ZNF346: variants seen among roughly 807,000 people sequenced by gnomAD.
ZNF346 encodes the protein zinc finger protein 346.
Under a neutral mutation model 33.7 loss-of-function variants are expected in ZNF346, and 23 were observed. The observed-to-expected ratio is 0.68, with a 90% CI of 0.49 to 0.97. The LOEUF (loss-of-function observed/expected upper bound fraction) is 0.97, where lower values mean the gene tolerates loss of function less well. Ranked by LOEUF, ZNF346 falls within the 50% of genes least tolerant of loss-of-function variation. ZNF346 has a pLI of 0.00. For missense variants in ZNF346, 340 were observed against 371.1 expected, an observed-to-expected ratio of 0.92 and a Z score of 0.69; for synonymous variants, 134 against 142.4, an observed-to-expected ratio of 0.94 and a Z score of 0.42.
chr5:177,056,468 A>G (rs990711907), intron 5 of ZNF346, among the ~76,000 whole-genome samples: 1 of 152,208 alleles, frequency 6.6e-6, no homozygotes, highest in Non-Finnish European at 1.5e-5. Context: ...AGACACATGT[A>G]TGTTTATTGC....
intron 1 of ZNF346, among the ~76,000 whole-genome samples, chr5:177,031,338 G>A (rs1777663181): frequency 6.6e-6 from 1 of 152,166 alleles, no homozygotes; most frequent in African/African-American, 2.4e-5. Flanking sequence ...TGGACACTTA[G>A]TGTAATGTTT....
At chr5:177,033,121 G>C (rs1247666510) in intron 1 of ZNF346, among the ~76,000 whole-genome samples, 1 of 151,946 alleles carries the variant, frequency 6.6e-6, no homozygotes, top group Non-Finnish European at 1.5e-5. Context: ...CTGTCACCCA[G>C]CTGAAGTGCA....
intron 1 of ZNF346, among the ~76,000 whole-genome samples, chr5:177,037,420 C>T (rs1285214998): frequency 6.6e-6 from 1 of 152,154 alleles, no homozygotes. Context: ...AACTCATCTC[C>T]ACCTATATAT....
chr5:177,057,102 G>A (rs1219425250), intron 5 of ZNF346, among the ~76,000 whole-genome samples: 2 of 151,956 alleles, frequency 1.3e-5, no homozygotes, highest in African/African-American at 2.4e-5. Flanking sequence ...TCTGAGGTCA[G>A]GAGTTTGAGA....
chr5:177,053,954 G>C (rs1781319475), intron 5 of ZNF346, among the ~76,000 whole-genome samples: 1 of 152,172 alleles, frequency 6.6e-6, no homozygotes, highest in East Asian at 1.9e-4. Context: ...AGCGTATACA[G>C]TGTGGTGAAC....
intron 6 of ZNF346, among the ~76,000 whole-genome samples, chr5:177,062,929 A>G (rs1349502334): frequency 6.6e-6 from 1 of 152,216 alleles, no homozygotes; most frequent in Non-Finnish European, 1.5e-5. Flanking sequence ...TGCTCTTCCC[A>G]AGGCGTCAGG....
chr5:177,044,694 A>G lies in ZNF346; in HGVS notation c.517+161A>G, dbSNP rs148850668. On this transcript the variant is annotated intron_variant, in intron 4 of 6. Coordinates refer to ENST00000358149, the MANE Select transcript of ZNF346 (RefSeq NM_012279.4). ...TCCAAGTAGACCCAGCTTCACTGAA[A>G]TGCAATCTCAGAATTATGCTCACCT... 7.1e-4 allele frequency among the ~76,000 whole-genome samples: 108 copies of G among 152,320 alleles called. No homozygotes were observed. The East Asian group carries it at 0.011, about 15-fold the overall frequency.
chr5:177,023,236 T>C, intron 1 of ZNF346: 1 of 1,534,820 alleles, frequency 6.5e-7, no homozygotes, highest in African/African-American at 1.4e-5. Flanking sequence ...GCCATCCCGG[T>C]AAGCCAAGCC....
In ZNF346 at chr5:177,066,394, A is replaced by G. The variant is rs1783165361; in HGVS notation, c.*1795A>G. Reference sequence around the variant, plus strand: ...CAGAGACCCAGCCTTATTCATCTCTACTTCCTGATGTCCATAGTGGTGTGT... The same window carrying G: ...CAGAGACCCAGCCTTATTCATCTCTGCTTCCTGATGTCCATAGTGGTGTGT... On this transcript the variant is annotated 3_prime_UTR_variant, in exon 7 of 7. Coordinates refer to ENST00000358149, the MANE Select transcript of ZNF346 (RefSeq NM_012279.4). Among the ~76,000 whole-genome samples the G allele has an allele frequency of 6.6e-6, 1 of 151,930 alleles. No homozygotes were observed. Among genetic ancestry groups the G allele is most frequent in the South Asian group, 2.1e-4 (1 of 4,812 alleles).
intron 1 of ZNF346, among the ~76,000 whole-genome samples, chr5:177,039,905 G>A (rs1417972344): frequency 6.6e-6 from 1 of 152,166 alleles, no homozygotes. Context: ...CCTTGGCCGG[G>A]CGCGGTGGCT....
At chr5:177,038,818 G>C (rs1035584792) in intron 1 of ZNF346, among the ~76,000 whole-genome samples, 19 of 151,698 alleles carry the variant, frequency 1.3e-4, no homozygotes, top group African/African-American at 4.6e-4. Context: ...CCCCATGTGG[G>C]TTTCTTATTG....
intron 1 of ZNF346, among the ~76,000 whole-genome samples, chr5:177,028,338 A>G (rs1161421994): frequency 6.7e-6 from 1 of 148,926 alleles, no homozygotes; most frequent in Non-Finnish European, 1.5e-5. Flanking sequence ...GTCCCTGATT[A>G]TTTTCTTGGT....
At chr5:177,059,013 G>T (rs1203151573) in intron 5 of ZNF346, among the ~76,000 whole-genome samples, 1 of 152,192 alleles carries the variant, frequency 6.6e-6, no homozygotes, top group Non-Finnish European at 1.5e-5. Flanking sequence ...GGGATTACAG[G>T]CATGAGCCAT....
intron 6 of ZNF346, 99 bp from the exon 7 acceptor site, chr5:177,064,413 C>G: frequency 1.1e-6 from 1 of 927,976 alleles, no homozygotes; most frequent in Non-Finnish European, 1.8e-6. Flanking sequence ...GGTGTCCTGT[C>G]TATTACTCCA....
intron 5 of ZNF346, among the ~76,000 whole-genome samples, chr5:177,057,228 C>T (rs1198847187): frequency 6.6e-6 from 1 of 151,658 alleles, no homozygotes; most frequent in South Asian, 2.1e-4. Context: ...CGGGAGGCGG[C>T]GGTTGCAGTG....
chr5:177,032,558 C>T (rs919699958), intron 1 of ZNF346, among the ~76,000 whole-genome samples: 1 of 152,100 alleles, frequency 6.6e-6, no homozygotes, highest in Non-Finnish European at 1.5e-5. Flanking sequence ...ATTACCAGCC[C>T]TCTACCACAC....
intron 1 of ZNF346, among the ~76,000 whole-genome samples, chr5:177,027,092 G>A (rs1175887759): frequency 5.3e-5 from 8 of 151,864 alleles, no homozygotes; most frequent in Non-Finnish European, 1.0e-4. Flanking sequence ...TCACTCTTCC[G>A]CCCAGACTGG....
At chr5:177,034,103 C>T (rs745958880) in intron 1 of ZNF346, among the ~76,000 whole-genome samples, 5 of 152,008 alleles carry the variant, frequency 3.3e-5, no homozygotes, top group Non-Finnish European at 7.4e-5. Flanking sequence ...AAGCTGGTCT[C>T]GAACTCCTGG....
At chr5:177,071,631 G>C (rs1448074691), downstream of ZNF346, among the ~76,000 whole-genome samples, 1 of 151,006 alleles carries the variant, frequency 6.6e-6, no homozygotes, top group Non-Finnish European at 1.5e-5. Context: ...CTTGCAGTGA[G>C]CTGAGATCGT....
Sources: gnomAD v4.1 joint callset for allele counts (sites outside exome capture counted in the v4.1 genomes callset) on GRCh38, gnomAD v4.1.1 for gene constraint, MANE v1.5 for transcripts, NCBI Gene and HGNC (gene_info 2026-07-23, HGNC 2026-07-21) for gene names.